The following TANC2 variants were observed in gnomAD, a reference collection of about 807,000 sequenced individuals.
TANC2 encodes the protein protein TANC2.
In TANC2, 26 loss-of-function variants were observed where a neutral mutation model predicts 210.5. The observed-to-expected ratio is 0.12, with a 90% confidence interval of 0.09 to 0.17. TANC2 has a LOEUF of 0.17. Among genes scored for constraint, TANC2 ranks in the 10% least tolerant of loss-of-function variants. TANC2 has a pLI of 1.00. For missense variants in TANC2, 2,129 were observed against 2,608.9 expected (o/e 0.82, Z 4.01); for synonymous variants, 931 against 967.1 (o/e 0.96, Z 0.69).
intron 9 of TANC2, among the ~76,000 whole-genome samples, chr17:63,278,924 G>A (rs2043976227): frequency 1.3e-5 from 2 of 152,118 alleles, no homozygotes; most frequent in South Asian, 4.1e-4. Flanking sequence ...TAGAATAGTG[G>A]TTGCCAGGAG....
At chr17:63,403,348 T>C (rs2048400482) in intron 19 of TANC2, among the ~76,000 whole-genome samples, 1 of 152,218 alleles carries the variant, frequency 6.6e-6, no homozygotes, top group African/African-American at 2.4e-5. Flanking sequence ...GTTTAGAATG[T>C]GGGTTAGAAA....
chr17:63,144,107 C>A (rs968476575), intron 4 of TANC2, among the ~76,000 whole-genome samples: 1 of 152,064 alleles, frequency 6.6e-6, no homozygotes, highest in Non-Finnish European at 1.5e-5. Flanking sequence ...TCTAGTGGGG[C>A]CTGTGTTTAT....
At chr17:62,994,903 G>GA (rs774626811) in intron 1 of TANC2, among the ~76,000 whole-genome samples, 4 of 152,136 alleles carry the variant, frequency 2.6e-5, no homozygotes, top group Non-Finnish European at 4.4e-5. Flanking sequence ...ATTTTGGGTA[G>GA]AAAATGAAAA....
chr17:63,382,491 G>C (rs1404115813), intron 15 of TANC2, among the ~76,000 whole-genome samples: 1 of 152,042 alleles, frequency 6.6e-6, no homozygotes, highest in Non-Finnish European at 1.5e-5. Flanking sequence ...TAGAAGAAAA[G>C]ATGTTCCTAT....
At chr17:63,384,652 T>A (rs2047720347) in intron 15 of TANC2, among the ~76,000 whole-genome samples, 1 of 152,172 alleles carries the variant, frequency 6.6e-6, no homozygotes, top group Admixed American at 6.5e-5. Flanking sequence ...AGCATACATA[T>A]GTCAACAGAA....
At chr17:63,096,172 CAAGGATGAGAGA>C (rs1468866230) in intron 3 of TANC2, among the ~76,000 whole-genome samples, 1 of 151,622 alleles carries the variant, frequency 6.6e-6, no homozygotes, top group Non-Finnish European at 1.5e-5. Flanking sequence ...GATTGGAAAT[CAAGGATGAGAGA>C]AAGAGACTTG....
intron 3 of TANC2, among the ~76,000 whole-genome samples, chr17:63,085,685 CTGTA>C (rs1340135741): frequency 1.3e-5 from 2 of 151,962 alleles, no homozygotes; most frequent in African/African-American, 2.4e-5. Context: ...ACATGTGTGT[CTGTA>C]TGTGTGTGTG....
intron 5 of TANC2, among the ~76,000 whole-genome samples, chr17:63,162,021 C>T (rs1465469034): frequency 6.6e-6 from 1 of 152,074 alleles, no homozygotes; most frequent in Non-Finnish European, 1.5e-5. Context: ...AATTTGATTG[C>T]AGGCTGGGCG....
intron 2 of TANC2, among the ~76,000 whole-genome samples, chr17:63,071,528 G>T (rs2036397549): frequency 6.6e-6 from 1 of 152,100 alleles, no homozygotes; most frequent in Non-Finnish European, 1.5e-5. Flanking sequence ...AGGGTTATAG[G>T]GTTGGCAGTG....
intron 2 of TANC2, among the ~76,000 whole-genome samples, chr17:63,018,489 A>T (rs149870172): frequency 0.038 from 5,700 of 151,680 alleles, 335 homozygotes; most frequent in African/African-American, 0.12. Flanking sequence ...TCAAAAAAAA[A>T]AAATAAATAA....
At chr17:63,407,318 C>G (rs2048543719) in intron 21 of TANC2, among the ~76,000 whole-genome samples, 1 of 152,156 alleles carries the variant, frequency 6.6e-6, no homozygotes, top group South Asian at 2.1e-4. Context: ...CATGCTCTCT[C>G]CCTTCATTCT....
chr17:63,412,801 C>T lies in TANC2; in HGVS notation c.3928+92C>T, dbSNP rs2048744949. 1 of 1,391,684 alleles carries T rather than the reference C, an allele frequency of 7.2e-7. No individual in the cohort carries two copies. The highest frequency in any genetic ancestry group is 9.6e-7 in the Non-Finnish European group (1 of 1,042,446). 86.2% of individuals were successfully genotyped at this position (1,391,684 alleles called of 1,614,324 possible). ...TGGTTTAGCCTGCATGAGTTCCCTA[C>T]ACCTCTAATCTTTTAATTTACTTCA... On this transcript the variant is annotated intron_variant, in intron 24 of 27. Coordinates refer to ENST00000689528, the Ensembl canonical transcript of TANC2. This position sits in a 1 kb window ranked among gnomAD's most constrained non-coding sequence, Gnocchi z 4.2.
At chr17:63,385,511 A>C (rs1173120297) in intron 15 of TANC2, among the ~76,000 whole-genome samples, 1 of 152,230 alleles carries the variant, frequency 6.6e-6, no homozygotes, top group African/African-American at 2.4e-5. Context: ...CCAAAATAAC[A>C]ATCAGAACTA....
intron 5 of TANC2, among the ~76,000 whole-genome samples, chr17:63,172,644 TGTA>T (rs2040443640): frequency 6.6e-6 from 1 of 152,232 alleles, no homozygotes; most frequent in Admixed American, 6.5e-5. Flanking sequence ...TCCATAGTGA[TGTA>T]GTCACTGAAA....
In TANC2 at chr17:63,421,664, A is replaced by T. The variant is rs773180407; in HGVS notation, c.5934A>T (p.Pro1978=). ...CTCAGCCTGAGTCCTTCAGTCCACC[A>T]TCATCCATCAGCAACATTGCCTTTT... Residue 1978 remains proline, a synonymous_variant, in exon 28 of 28, where the codon CCA becomes CCT. Coordinates refer to ENST00000689528, the Ensembl canonical transcript of TANC2. The surrounding 1 kb of genome is among the most constrained non-coding windows in gnomAD (Gnocchi z 6.9). The T allele has an allele frequency of 6.2e-7, 1 of 1,614,022 alleles. No homozygotes were observed. Among genetic ancestry groups the T allele is most frequent in the Admixed American group, 1.7e-5 (1 of 60,030 alleles).
At chr17:63,123,018 G>A (rs962609476) in intron 4 of TANC2, among the ~76,000 whole-genome samples, 1 of 152,176 alleles carries the variant, frequency 6.6e-6, no homozygotes, top group Non-Finnish European at 1.5e-5. Context: ...AAATGACGAA[G>A]CCATTAGGGC....
intron 3 of TANC2, among the ~76,000 whole-genome samples, chr17:63,095,821 A>G (rs1306525776): frequency 6.6e-6 from 1 of 152,186 alleles, no homozygotes; most frequent in African/African-American, 2.4e-5. Flanking sequence ...CTCTGTAGCT[A>G]CAATAAGTTC....
At chr17:63,046,941 G>GT (rs1370101067) in intron 2 of TANC2, among the ~76,000 whole-genome samples, 3 of 152,014 alleles carry the variant, frequency 2.0e-5, no homozygotes, top group Non-Finnish European at 4.4e-5. Flanking sequence ...AAGAGGTTGT[G>GT]TTTTTTTCTT....
intron 3 of TANC2, among the ~76,000 whole-genome samples, chr17:63,091,609 T>C (rs1406604993): frequency 6.6e-6 from 1 of 152,226 alleles, no homozygotes; most frequent in Non-Finnish European, 1.5e-5. Flanking sequence ...TTTTGGTTAC[T>C]GTAGCCTTGT....
Sources: gnomAD v4.1 joint callset for allele counts (sites outside exome capture counted in the v4.1 genomes callset) on GRCh38, gnomAD v4.1.1 for gene constraint, Gnocchi (gnomAD v3.1) non-coding constraint, MANE v1.5 for transcripts, NCBI Gene and HGNC (gene_info 2026-07-23, HGNC 2026-07-21) for gene names.